PRKN: variants seen among roughly 807,000 people sequenced by gnomAD.
PRKN encodes the protein parkin RBR E3 ubiquitin protein ligase.
PRKN carries 56 observed loss-of-function variants against 59.5 expected under a neutral mutation model. That is an observed-to-expected ratio of 0.94 (90% CI 0.76 to 1.18). The LOEUF is 1.18. Ranked by LOEUF, PRKN falls within the 50% of genes most tolerant of loss-of-function variation. The pLI is 0.00. For missense variants in PRKN, 657 were observed against 596.4 expected (o/e 1.10, Z -1.06); for synonymous variants, 250 against 222.1 (o/e 1.13, Z -1.12).
At chr6:162,293,685 C>CTG (rs11474162) in intron 2 of PRKN, among the ~76,000 whole-genome samples, 24,451 of 152,058 alleles carry the variant, frequency 0.16, 3,296 homozygotes, top group African/African-American at 0.37. Context: ...CTAGAGCAGG[C>CTG]TGTCAGGAGG....
At chr6:161,923,823 C>G (rs558186146) in intron 6 of PRKN, among the ~76,000 whole-genome samples, 1 of 152,098 alleles carries the variant, frequency 6.6e-6, no homozygotes, top group Non-Finnish European at 1.5e-5. Flanking sequence ...ATGGAACTTG[C>G]GAGACCCTTC....
At chr6:161,728,446 A>T (rs1787540635) in intron 7 of PRKN, among the ~76,000 whole-genome samples, 1 of 152,160 alleles carries the variant, frequency 6.6e-6, no homozygotes, top group South Asian at 2.1e-4. Flanking sequence ...CTCGCACTGC[A>T]CCTGCCAAGG....
intron 4 of PRKN, among the ~76,000 whole-genome samples, chr6:162,103,029 C>T (rs1270425122): frequency 3.7e-5 from 5 of 134,482 alleles, no homozygotes; most frequent in Admixed American, 1.6e-4. Flanking sequence ...GGCGAAAGAG[C>T]GAGACTCTGT....
At position 161,448,905 on chromosome 6, in the gene PRKN, G is replaced by C. The variant is rs574452191; in HGVS notation, c.1084-62028C>G. 6.6e-6 allele frequency among the ~76,000 whole-genome samples: 1 copy of C among 152,148 alleles called. No homozygotes were observed. The highest frequency in any genetic ancestry group is 1.5e-5 in the Non-Finnish European group (1 of 68,032). On this transcript the variant is annotated intron_variant, in intron 9 of 11. Transcript: ENST00000366898. This position sits in a 1 kb window ranked among gnomAD's most constrained non-coding sequence, Gnocchi z 5.1. Reference sequence around the variant, plus strand: ...GGTAGAGGATGACTTTGGGACTCTGGCAACACAGGAAGCCCAGTGTGTTCT... The same window carrying C: ...GGTAGAGGATGACTTTGGGACTCTGCCAACACAGGAAGCCCAGTGTGTTCT...
chr6:161,426,044 G>A (rs779534996), intron 9 of PRKN, among the ~76,000 whole-genome samples: 2 of 152,084 alleles, frequency 1.3e-5, no homozygotes, highest in African/African-American at 2.4e-5. Context: ...GATGAGTGAT[G>A]GCCTCCCAAG....
At chr6:162,101,854 C>T (rs906513501) in intron 4 of PRKN, among the ~76,000 whole-genome samples, 26 of 152,236 alleles carry the variant, frequency 1.7e-4, no homozygotes, top group African/African-American at 5.1e-4. Context: ...CATGATGCTC[C>T]ATCATCCCTG....
chr6:162,259,513 G>A (rs1037358587), intron 3 of PRKN, among the ~76,000 whole-genome samples: 1 of 152,218 alleles, frequency 6.6e-6, no homozygotes, highest in Admixed American at 6.5e-5. Context: ...TTCTGCACAT[G>A]AGAGTCTGTG....
intron 7 of PRKN, among the ~76,000 whole-genome samples, chr6:161,759,593 A>G (rs1415960931): frequency 1.3e-5 from 2 of 152,168 alleles, no homozygotes; most frequent in African/African-American, 4.8e-5. Flanking sequence ...AGCCATTTCC[A>G]ACTTCTTTTT....
At chr6:162,067,071 T>C (rs1582982605) in intron 4 of PRKN, among the ~76,000 whole-genome samples, 1 of 152,276 alleles carries the variant, frequency 6.6e-6, no homozygotes, top group South Asian at 2.1e-4. Context: ...CATTTTTTTT[T>C]CTCTCCTGTT....
intron 7 of PRKN, among the ~76,000 whole-genome samples, chr6:161,764,023 G>C (rs1397894039): frequency 6.6e-6 from 1 of 152,032 alleles, no homozygotes; most frequent in Admixed American, 6.6e-5. Flanking sequence ...TGACTTCCAG[G>C]ACTGCATCCT....
At chr6:161,757,840 T>TCC (rs1273935807) in intron 7 of PRKN, among the ~76,000 whole-genome samples, 50,122 of 98,666 alleles carry the variant, frequency 0.51, 13,421 homozygotes, top group East Asian at 0.56. Flanking sequence ...TCCATCTCTC[T>TCC]CTCTCTCTCT....
At chr6:162,660,362 T>C (rs1436459524) in intron 1 of PRKN, among the ~76,000 whole-genome samples, 1 of 152,176 alleles carries the variant, frequency 6.6e-6, no homozygotes, top group Non-Finnish European at 1.5e-5. Context: ...CACCTTTCCT[T>C]ATGCAGTGTT....
At chr6:161,908,829 C>T (rs1778248178) in intron 6 of PRKN, among the ~76,000 whole-genome samples, 1 of 152,094 alleles carries the variant, frequency 6.6e-6, no homozygotes, top group South Asian at 2.1e-4. Flanking sequence ...CAAACAAGAA[C>T]ATGGAAAAAT....
chr6:162,386,930 A>G (rs1021198079), intron 2 of PRKN, among the ~76,000 whole-genome samples: 2 of 152,212 alleles, frequency 1.3e-5, no homozygotes, highest in African/African-American at 4.8e-5. Flanking sequence ...ATTGCATTCA[A>G]TTATCTCCCC....
chr6:161,984,055 G>C (rs1781345786), intron 5 of PRKN, among the ~76,000 whole-genome samples: 1 of 152,014 alleles, frequency 6.6e-6, no homozygotes, highest in Non-Finnish European at 1.5e-5. Context: ...CCCCTCCCCA[G>C]CCCAGGGGTG....
At chr6:162,005,178 C>T (rs1227690280) in intron 5 of PRKN, among the ~76,000 whole-genome samples, 2 of 152,168 alleles carry the variant, frequency 1.3e-5, no homozygotes, top group Non-Finnish European at 2.9e-5. Flanking sequence ...GAAATGACAA[C>T]ATATTTCAAG....
chr6:162,033,295 G>T (rs946371419), intron 5 of PRKN, among the ~76,000 whole-genome samples: 17 of 152,114 alleles, frequency 1.1e-4, no homozygotes, highest in African/African-American at 4.1e-4. Flanking sequence ...AAACTTGTTG[G>T]CATAGAAGAA....
chr6:161,887,509 G>T (rs771192749), intron 6 of PRKN, among the ~76,000 whole-genome samples: 2 of 152,068 alleles, frequency 1.3e-5, no homozygotes, highest in Non-Finnish European at 2.9e-5. Flanking sequence ...TACTGTGAAA[G>T]AGTTACTCAT....
intron 4 of PRKN, among the ~76,000 whole-genome samples, chr6:162,063,739 C>G (rs1582977377): frequency 6.6e-6 from 1 of 152,100 alleles, no homozygotes; most frequent in Admixed American, 6.5e-5. Flanking sequence ...GAGACAGAGT[C>G]TCACCATGTT....
Sources: allele counts gnomAD v4.1 joint callset (sites outside exome capture counted in the v4.1 genomes callset), GRCh38; gene constraint gnomAD v4.1.1; non-coding constraint Gnocchi (gnomAD v3.1); transcripts MANE v1.5; gene names NCBI Gene and HGNC (gene_info 2026-07-23, HGNC 2026-07-21).